Variants in FUT8 observed in about 807,000 individuals in gnomAD.
FUT8 encodes the protein fucosyltransferase 8, also known as alpha-(1,6)-fucosyltransferase.
Under a neutral mutation model 71.3 loss-of-function variants are expected in FUT8, and 29 were observed. The ratio of observed to expected loss-of-function variants is 0.41; its 90% CI spans 0.30 to 0.55. FUT8 has a LOEUF of 0.55. Among genes scored for constraint, FUT8 ranks in the 20% least tolerant of loss-of-function variants. The pLI is 0.34. For synonymous variants in FUT8, 254 were observed against 239.3 expected (o/e 1.06, Z -0.57); for missense variants, 544 against 702.1 (o/e 0.77, Z 2.55).
intron 6 of FUT8, among the ~76,000 whole-genome samples, chr14:65,644,353 T>A (rs1891016477): frequency 6.6e-6 from 1 of 152,062 alleles, no homozygotes; most frequent in Non-Finnish European, 1.5e-5. Context: ...TGTAGTGGTG[T>A]GATCTCCGCT....
chr14:65,624,176 G>A (rs1252311525), intron 5 of FUT8, among the ~76,000 whole-genome samples: 5 of 152,116 alleles, frequency 3.3e-5, no homozygotes. Context: ...CCAACAGAGA[G>A]GCCGAGAAAC....
At chr14:65,405,611 G>C (rs2065086756), upstream of FUT8, among the ~76,000 whole-genome samples, 1 of 152,148 alleles carries the variant, frequency 6.6e-6, no homozygotes. Context: ...GCTTAGGCAA[G>C]ATGGAAACAA....
At chr14:65,580,575 T>A (rs1462054445) in intron 3 of FUT8, among the ~76,000 whole-genome samples, 1 of 152,000 alleles carries the variant, frequency 6.6e-6, no homozygotes, top group Non-Finnish European at 1.5e-5. Flanking sequence ...AACCAGCAAG[T>A]TGGTTGATCA....
chr14:65,690,996 G>A (rs1175621090), intron 7 of FUT8, among the ~76,000 whole-genome samples: 1 of 151,564 alleles, frequency 6.6e-6, no homozygotes, highest in African/African-American at 2.4e-5. Context: ...AAAGTGCTGG[G>A]ATTACAGGCG....
chr14:65,514,438 T>A (rs575342327), intron 2 of FUT8, among the ~76,000 whole-genome samples: 1 of 152,246 alleles, frequency 6.6e-6, no homozygotes, highest in Non-Finnish European at 1.5e-5. Flanking sequence ...GAAAACTTCA[T>A]GGCAGTTAAC....
chr14:65,712,221 A>G (rs1894841208), intron 7 of FUT8, among the ~76,000 whole-genome samples: 1 of 152,218 alleles, frequency 6.6e-6, no homozygotes, highest in South Asian at 2.1e-4. Context: ...AATATGTAAA[A>G]TAAACTCGGT....
intron 7 of FUT8, among the ~76,000 whole-genome samples, chr14:65,707,443 A>G (rs1429454145): frequency 4.6e-5 from 7 of 151,894 alleles, no homozygotes; most frequent in Non-Finnish European, 5.9e-5. Context: ...TTTCCAATTC[A>G]TGGATTATCT....
chr14:65,373,860 T>G, the FUT8 span, among the ~76,000 whole-genome samples: 1 of 152,328 alleles, frequency 6.6e-6, no homozygotes, highest in East Asian at 1.9e-4. Context: ...CCGTCCGTCT[T>G]TCTTCCAGCT....
chr14:65,598,589 A>T (rs1176558207), intron 3 of FUT8, among the ~76,000 whole-genome samples: 3 of 152,026 alleles, frequency 2.0e-5, no homozygotes, highest in South Asian at 4.1e-4. Context: ...ACATCTATTT[A>T]CTAATTTAGC....
At chr14:65,375,429 G>C in the FUT8 span, among the ~76,000 whole-genome samples, 1 of 152,106 alleles carries the variant, frequency 6.6e-6, no homozygotes, top group African/African-American at 2.4e-5. Flanking sequence ...GATCAGGCTG[G>C]GTAACACAGC....
chr14:65,631,360 C>A (rs910366197), intron 6 of FUT8, among the ~76,000 whole-genome samples: 1 of 152,016 alleles, frequency 6.6e-6, no homozygotes, highest in African/African-American at 2.4e-5. Context: ...TACCTGCCAC[C>A]TGTTTTAGTT....
At position 65,650,315 on chromosome 14, in the gene FUT8, A is replaced by C. The variant is rs973607534; in HGVS notation, c.598-18928A>C. Among the ~76,000 whole-genome samples the C allele has an allele frequency of 4.3e-3, 645 of 149,378 alleles. 25 individuals are homozygous for C. The East Asian group carries it at 0.075, about 17-fold the overall frequency. ...CTCTGTCTCAAAAAAAAAAAAAAAAAAAAAAAAAAAAACCTGAGACTGGGT... is the reference window on the plus strand; with the variant it reads ...CTCTGTCTCAAAAAAAAAAAAAAAACAAAAAAAAAAAACCTGAGACTGGGT... On this transcript the variant is annotated intron_variant, in intron 6 of 10. Transcript: ENST00000673929.
chr14:65,666,193 C>T (rs8005771), intron 6 of FUT8, among the ~76,000 whole-genome samples: 1,892 of 152,242 alleles, frequency 0.012, 16 homozygotes, highest in Non-Finnish European at 0.018. Context: ...CTTCTTTTCA[C>T]TGCAATCTCC....
intron 7 of FUT8, among the ~76,000 whole-genome samples, chr14:65,708,543 G>A (rs970183196): frequency 1.3e-5 from 2 of 152,002 alleles, no homozygotes. Flanking sequence ...AGTTTTCAGT[G>A]TATGGATTTT....
chr14:65,719,861 C>A (rs1895323367), intron 7 of FUT8, among the ~76,000 whole-genome samples: 1 of 152,178 alleles, frequency 6.6e-6, no homozygotes. Flanking sequence ...AGTGGTGACA[C>A]AAGCACTTTT....
chr14:65,717,550 A>G (rs1339968433), intron 7 of FUT8, among the ~76,000 whole-genome samples: 1 of 79,958 alleles, frequency 1.3e-5, no homozygotes, highest in Non-Finnish European at 2.4e-5. Flanking sequence ...CGCTCCTCAC[A>G]TCCCAGACGA....
At chr14:65,732,548 G>T (rs113011097) in intron 9 of FUT8, among the ~76,000 whole-genome samples, 1 of 152,102 alleles carries the variant, frequency 6.6e-6, no homozygotes, top group African/African-American at 2.4e-5. Flanking sequence ...AAGACATCCT[G>T]TATGAATACT....
At chr14:65,392,652 G>A in the FUT8 span, among the ~76,000 whole-genome samples, 1 of 152,162 alleles carries the variant, frequency 6.6e-6, no homozygotes, top group African/African-American at 2.4e-5. Context: ...TTATTATTGT[G>A]TAGAAATCAC....
intron 3 of FUT8, among the ~76,000 whole-genome samples, chr14:65,585,726 G>A (rs1429393858): frequency 6.6e-6 from 1 of 152,120 alleles, no homozygotes; most frequent in African/African-American, 2.4e-5. Flanking sequence ...GAAATTGGTG[G>A]GCATGTCTAA....
Sources: gnomAD v4.1 joint callset for allele counts (sites outside exome capture counted in the v4.1 genomes callset) on GRCh38, gnomAD v4.1.1 for gene constraint, MANE v1.5 for transcripts, NCBI Gene and HGNC (gene_info 2026-07-23, HGNC 2026-07-21) for gene names.